The following WDPCP variants were observed in gnomAD, a reference collection of about 807,000 sequenced individuals.
WDPCP encodes WD repeat-containing and planar cell polarity effector protein fritz homolog.
WDPCP carries 71 observed loss-of-function variants against 93.1 expected under a neutral mutation model. The observed-to-expected ratio is 0.76, with a 90% CI of 0.63 to 0.93. The LOEUF (loss-of-function observed/expected upper bound fraction) is 0.93. WDPCP is among the 40% of genes least tolerant of loss of function. The pLI, the probability that WDPCP is intolerant of heterozygous loss-of-function variation, is 0.00. For missense variants in WDPCP, 844 were observed against 887.4 expected (o/e 0.95, Z 0.62); for synonymous variants, 315 against 315.0 (o/e 1.00, Z 0.00).
At chr2:63,175,429 A>C (rs1673736163) in intron 14 of WDPCP, among the ~76,000 whole-genome samples, 1 of 148,532 alleles carries the variant, frequency 6.7e-6, no homozygotes. Flanking sequence ...AAAAAAAAAA[A>C]CCTCTTAGGA....
At chr2:63,795,714 C>T (rs571468664) in intron 2 of WDPCP, among the ~76,000 whole-genome samples, 1 of 152,282 alleles carries the variant, frequency 6.6e-6, no homozygotes, top group Non-Finnish European at 1.5e-5. Flanking sequence ...GAATCCTTGG[C>T]CTTCCAAAGT....
Position 63,752,087 on chromosome 2 carries a change from T to C in WDPCP, n.308+61535A>G, listed in dbSNP as rs1027535662. The stretch of plus-strand genomic sequence containing the variant: ...GGTGAAGCACTATCCACCTCTTGTT[T>C]TGGCAGGGCTTTCCTAACTTCACAG... On this transcript the variant is annotated intron_variant and non_coding_transcript_variant, in intron 2 of 4. Transcript: ENST00000467687. 29 of 602,156 alleles carry C rather than the reference T, an allele frequency of 4.8e-5. No homozygotes were observed. The Admixed American group carries it at 5.9e-4, about 12-fold the overall frequency. 37.3% of individuals were successfully genotyped at this position (602,156 alleles called of 1,614,324 possible).
intron 13 of WDPCP, among the ~76,000 whole-genome samples, chr2:63,278,806 A>G (rs916599681): frequency 3.6e-4 from 55 of 152,214 alleles, no homozygotes; most frequent in Non-Finnish European, 5.9e-5. Flanking sequence ...AGCCTGGGCG[A>G]CAGATACTAC....
intron 2 of WDPCP, among the ~76,000 whole-genome samples, chr2:63,679,205 G>C (rs1255864798): frequency 6.6e-5 from 10 of 152,094 alleles, no homozygotes; most frequent in Admixed American, 6.5e-4. Flanking sequence ...TTTAGAGGGA[G>C]TCATCCCTTC....
intron 3 of WDPCP, chr2:63,605,334 A>G (rs1709507794): frequency 1.2e-6 from 2 of 1,614,192 alleles, no homozygotes; most frequent in Non-Finnish European, 8.5e-7. Context: ...ATCCAGTGCC[A>G]TGTCTGCTGC....
chr2:63,274,037 T>C (rs1477886056), intron 13 of WDPCP, among the ~76,000 whole-genome samples: 1 of 152,162 alleles, frequency 6.6e-6, no homozygotes, highest in East Asian at 1.9e-4. Context: ...ATTCAACAGT[T>C]ACGAAATATG....
At chr2:63,704,376 C>T (rs1385252449) in intron 2 of WDPCP, among the ~76,000 whole-genome samples, 1 of 152,126 alleles carries the variant, frequency 6.6e-6, no homozygotes. Context: ...CTGTCTTGTG[C>T]CAGTTTTCAA....
chr2:63,327,959 G>T (rs1042463513), intron 12 of WDPCP, among the ~76,000 whole-genome samples: 1 of 152,122 alleles, frequency 6.6e-6, no homozygotes, highest in Non-Finnish European at 1.5e-5. Flanking sequence ...ACAACTGCAG[G>T]GTCCCTTCTT....
At position 63,463,769 on chromosome 2, in the gene WDPCP, G is replaced by C. The variant is rs564576733; in HGVS notation, c.384+20835C>G. On this transcript the variant is annotated intron_variant, in intron 6 of 17. Transcript: ENST00000272321. ...AACAATCTTTTCAACAAACGATGCT[G>C]AGAAAACTGGATATTCATATGCAAA... 2.0e-5 allele frequency among the ~76,000 whole-genome samples: 3 copies of C among 152,252 alleles called. 1 individual carries two copies. Among genetic ancestry groups the C allele is most frequent in the African/African-American group, 7.2e-5 (3 of 41,546 alleles).
chr2:63,285,746 T>A (rs750143951), intron 13 of WDPCP, among the ~76,000 whole-genome samples: 8 of 152,050 alleles, frequency 5.3e-5, no homozygotes, highest in Non-Finnish European at 7.4e-5. Flanking sequence ...AGTAATGAAA[T>A]CCACAATTAT....
At chr2:63,781,369 A>G (rs999301659) in intron 2 of WDPCP, among the ~76,000 whole-genome samples, 7 of 152,194 alleles carry the variant, frequency 4.6e-5, no homozygotes, top group African/African-American at 1.7e-4. Flanking sequence ...TGAATGGGAC[A>G]CATATTTGTG....
intron 2 of WDPCP, among the ~76,000 whole-genome samples, chr2:63,787,702 T>A (rs1670489563): frequency 6.6e-6 from 1 of 152,128 alleles, no homozygotes; most frequent in South Asian, 2.1e-4. Flanking sequence ...ATATAAATAA[T>A]TACTAAACTA....
At chr2:63,498,156 A>G (rs750831150) in intron 1 of WDPCP, among the ~76,000 whole-genome samples, 1 of 152,234 alleles carries the variant, frequency 6.6e-6, no homozygotes, top group African/African-American at 2.4e-5. Flanking sequence ...TGAAAAACCC[A>G]AACAAAAAAT....
chr2:63,628,355 G>T (rs1196926798), intron 3 of WDPCP, among the ~76,000 whole-genome samples: 1 of 152,092 alleles, frequency 6.6e-6, no homozygotes, highest in Non-Finnish European at 1.5e-5. Flanking sequence ...CTCAGTGAGA[G>T]AGAATAGATA....
chr2:63,585,727 T>C (rs1299132454), intron 1 of WDPCP, among the ~76,000 whole-genome samples: 2 of 152,070 alleles, frequency 1.3e-5, no homozygotes, highest in African/African-American at 4.8e-5. Context: ...AGCTTAAAAG[T>C]GTAATAGAAC....
intron 13 of WDPCP, among the ~76,000 whole-genome samples, chr2:63,271,419 T>A (rs1682629886): frequency 6.6e-6 from 1 of 152,108 alleles, no homozygotes; most frequent in South Asian, 2.1e-4. Flanking sequence ...GAGTGAAACA[T>A]TAAGGAGCTT....
chr2:63,748,349 G>T (rs1327094578), intron 2 of WDPCP, among the ~76,000 whole-genome samples: 1 of 151,802 alleles, frequency 6.6e-6, no homozygotes, highest in East Asian at 1.9e-4. Flanking sequence ...ATAACCACAA[G>T]ATATAATATT....
intron 14 of WDPCP, among the ~76,000 whole-genome samples, chr2:63,206,814 C>G (rs1676372940): frequency 6.6e-6 from 1 of 152,072 alleles, no homozygotes; most frequent in Admixed American, 6.5e-5. Context: ...TACTTACAAG[C>G]TAATAGTTTT....
chr2:63,478,782 C>G (rs1442315533), intron 6 of WDPCP, among the ~76,000 whole-genome samples: 1 of 151,866 alleles, frequency 6.6e-6, no homozygotes, highest in African/African-American at 2.4e-5. Context: ...GAAACAAGAA[C>G]AAACCAAACC....
Sources: allele counts gnomAD v4.1 joint callset (sites outside exome capture counted in the v4.1 genomes callset), GRCh38; gene constraint gnomAD v4.1.1; transcripts MANE v1.5; gene names NCBI Gene and HGNC (gene_info 2026-07-23, HGNC 2026-07-21).